NLRP5: variants seen among roughly 807,000 people sequenced by gnomAD.
NLRP5 encodes the protein NACHT, LRR and PYD domains-containing protein 5.
NLRP5 carries 93 observed loss-of-function variants against 113.1 expected under a neutral mutation model. The ratio of observed to expected loss-of-function variants is 0.82; its 90% confidence interval spans 0.70 to 0.98. The LOEUF (loss-of-function observed/expected upper bound fraction) is 0.98, where lower values mean the gene tolerates loss of function less well. Among genes scored for constraint, NLRP5 ranks in the 50% least tolerant of loss-of-function variants. NLRP5 has a pLI of 0.00. For synonymous variants in NLRP5, 751 were observed against 600.7 expected (o/e 1.25, Z -3.66); for missense variants, 1,808 against 1,514.3 (o/e 1.19, Z -3.22).
At chr19:56,021,455 AACCCCAT>A (rs1982614283) in intron 6 of NLRP5, among the ~76,000 whole-genome samples, 2 of 152,180 alleles carry the variant, frequency 1.3e-5, no homozygotes, top group South Asian at 4.1e-4. Flanking sequence ...CCCAAAAAGA[AACCCCAT>A]ACCCCTTTGC....
intron 2 of NLRP5, among the ~76,000 whole-genome samples, chr19:56,005,922 A>G (rs1051402027): frequency 6.6e-6 from 1 of 152,192 alleles, no homozygotes; most frequent in East Asian, 1.9e-4. Flanking sequence ...ATCTTACAAG[A>G]TACATAACTT....
chr19:56,046,314 T>C (rs1322887695), intron 11 of NLRP5, among the ~76,000 whole-genome samples: 1 of 152,172 alleles, frequency 6.6e-6, no homozygotes, highest in African/African-American at 2.4e-5. Flanking sequence ...TGGTGGATTA[T>C]CTGACATGTT....
rs185027314 is a variant in NLRP5 at position 56,044,868 on chromosome 19, G to A, written c.2957+3776G>A. On this transcript the variant is annotated intron_variant, in intron 11 of 14. Coordinates refer to ENST00000390649, the MANE Select transcript of NLRP5 (RefSeq NM_153447.4). The stretch of plus-strand genomic sequence containing the variant: ...GGATGTGTGTCCATTTGTTCGTGTC[G>A]TCTGTGATTTCTTTCAGCAATGTTT... Among the ~76,000 whole-genome samples the A allele has an allele frequency of 4.6e-4, 70 of 152,250 alleles. 1 individual carries two copies. The highest frequency in any genetic ancestry group is 1.2e-3 in the Admixed American group (18 of 15,278).
chr19:56,040,035 C>T (rs1370504427), intron 10 of NLRP5, among the ~76,000 whole-genome samples: 1 of 152,190 alleles, frequency 6.6e-6, no homozygotes, highest in Non-Finnish European at 1.5e-5. Flanking sequence ...ACTGCAGCCT[C>T]TACCTCCCAG....
At chr19:56,002,375 A>G (rs1025607846) in intron 1 of NLRP5, among the ~76,000 whole-genome samples, 17 of 152,240 alleles carry the variant, frequency 1.1e-4, no homozygotes, top group Admixed American at 4.6e-4. Flanking sequence ...ACCTGATGTT[A>G]ACAGGTGTAA....
chr19:55,987,908 C>T, the NLRP5 span: 6 of 1,610,812 alleles, frequency 3.7e-6, no homozygotes, highest in African/African-American at 2.7e-5. Context: ...CCAGATTAAT[C>T]CTTAGGCCGT....
chr19:56,027,901 C>G lies in NLRP5; in HGVS notation c.1668C>G (p.Leu556=). 6.2e-7 allele frequency: 1 copy of G among 1,613,766 alleles called. No homozygotes were observed. Among genetic ancestry groups the G allele is most frequent in the Non-Finnish European group, 8.5e-7 (1 of 1,179,798 alleles). ...GTGACGACCTCATGGTTCAAGGACT[C>G]GGGGAGTCTGAGCTCCGTGCTCTGT... Residue 556 remains leucine (L), a synonymous_variant, in exon 7 of 15, where the codon CTC becomes CTG. Coordinates refer to ENST00000390649, the MANE Select transcript of NLRP5 (RefSeq NM_153447.4).
chr19:55,998,702 ATGTG>A (rs144186734), upstream of NLRP5, among the ~76,000 whole-genome samples: 15,684 of 73,342 alleles, frequency 0.21, 2,232 homozygotes, highest in South Asian at 0.31. Flanking sequence ...ATATATATAT[ATGTG>A]TGTGTGTGTA....
chr19:56,027,707 G>A lies in NLRP5; in HGVS notation c.1474G>A (p.Ala492Thr), dbSNP rs752753307. The change falls in exon 7 of 15, where the codon GCC becomes ACC. Residue 492 changes from alanine (A) to threonine (T), a missense_variant. By Grantham distance (58) the Ala-to-Thr change is moderately conservative. Coordinates refer to ENST00000390649, the MANE Select transcript of NLRP5 (RefSeq NM_153447.4). ...GCAGGACGTGGTGGGGGAGAGCGTC[G>A]CCCCCTTCAACCAAACGCTCACAGG... 1.4e-5 allele frequency: 22 copies of A among 1,613,164 alleles called. No homozygotes were observed. Among genetic ancestry groups the A allele is most frequent in the Non-Finnish European group, 1.5e-5 (18 of 1,179,850 alleles).
At chr19:56,039,534 C>T (rs773455527) in intron 10 of NLRP5, among the ~76,000 whole-genome samples, 4 of 152,214 alleles carry the variant, frequency 2.6e-5, no homozygotes, top group South Asian at 2.1e-4. Flanking sequence ...GGGGAAGGGG[C>T]GTTCACTCCA....
chr19:55,992,289 C>A, the NLRP5 span, among the ~76,000 whole-genome samples: 1 of 152,150 alleles, frequency 6.6e-6, no homozygotes, highest in East Asian at 1.9e-4. Context: ...TTTAGGTTGA[C>A]TCCATGTCTT....
intron 1 of NLRP5, among the ~76,000 whole-genome samples, chr19:56,001,286 C>T (rs1981637009): frequency 6.8e-6 from 1 of 146,296 alleles, no homozygotes. Context: ...GACTGCACCA[C>T]TGCACTCCAG....
Position 56,050,399 on chromosome 19 carries a change from C to T in NLRP5, c.2958-19C>T, listed in dbSNP as rs1246656224. The T allele has an allele frequency of 1.2e-6, 2 of 1,610,694 alleles. No homozygotes were observed. The highest frequency in any genetic ancestry group is 1.7e-6 in the Non-Finnish European group (2 of 1,178,598). On this transcript the variant is annotated intron_variant, in intron 11 of 14. Coordinates refer to ENST00000390649, the MANE Select transcript of NLRP5 (RefSeq NM_153447.4). ...GGAATGAGCATCACGATCTTCTTTCCCATGTGTGTGCCCCACAGGCTGAAT... is the reference window on the plus strand; with the variant it reads ...GGAATGAGCATCACGATCTTCTTTCTCATGTGTGTGCCCCACAGGCTGAAT...
At chr19:55,999,910 C>A in intron 1 of NLRP5, 2 of 741,828 alleles carry the variant, frequency 2.7e-6, no homozygotes, top group Non-Finnish European at 4.8e-6. Context: ...TCCGTTGCAG[C>A]AGAACACTCC....
At chr19:56,003,682 T>G (rs1359044258) in intron 1 of NLRP5, 54 bp from the exon 2 acceptor site, 4 of 1,553,666 alleles carry the variant, frequency 2.6e-6, no homozygotes, top group Non-Finnish European at 3.5e-6. Flanking sequence ...TAGTTGTATC[T>G]ACTTGAGAAT....
Position 56,061,478 on chromosome 19 carries a change from G to A in NLRP5, c.3553G>A (p.Gly1185Ser), listed in dbSNP as rs114119582. The change falls in exon 15 of 15, where the codon GGT becomes AGT. Residue 1185 changes from glycine to serine, a missense_variant. Gly to Ser is a moderately conservative substitution (Grantham distance 56). Transcript: ENST00000390649. ...ACTCAAGCCCCGAGTCGTAATTGAC[G>A]GTAGTTGGCATTCTTTTGATGAAGA... 188 of 1,613,998 alleles carry A rather than the reference G, an allele frequency of 1.2e-4. No homozygotes were observed. The African/African-American group carries it at 2.2e-3, about 19-fold the overall frequency.
rs1160965587 is a variant in NLRP5 at position 56,055,537 on chromosome 19, C to CTTTTTTTTTTT, written c.3299+1745_3299+1755dup. Among the ~76,000 whole-genome samples, 153 of 76,444 alleles carry CTTTTTTTTTTT rather than the reference C, an allele frequency of 2.0e-3. 11 individuals are homozygous for CTTTTTTTTTTT. Among genetic ancestry groups the CTTTTTTTTTTT allele is most frequent in the Non-Finnish European group, 2.9e-3 (124 of 42,270 alleles). 50.2% of individuals were successfully genotyped at this position (76,444 alleles called of 152,430 possible). ...CCATGTTCTATTTTTCTTTCTCTGT[C>CTTTTTTTTTTT]TTTTTTTTTTTTTTTTTTTTTTTTT... On this transcript the variant is annotated intron_variant, in intron 13 of 14. Transcript: ENST00000390649.
At chr19:56,049,113 C>T (rs1983835957) in intron 11 of NLRP5, among the ~76,000 whole-genome samples, 1 of 149,910 alleles carries the variant, frequency 6.7e-6, no homozygotes, top group African/African-American at 2.4e-5. Flanking sequence ...TCCCAAGTAG[C>T]TGGGACTACA....
chr19:56,001,349 C>T, intron 1 of NLRP5, among the ~76,000 whole-genome samples: 1 of 149,392 alleles, frequency 6.7e-6, no homozygotes. Context: ...ACAAAAAACA[C>T]CACAGCTTAT....
Sources: gnomAD v4.1 joint callset for allele counts (sites outside exome capture counted in the v4.1 genomes callset) on GRCh38, gnomAD v4.1.1 for gene constraint, MANE v1.5 for transcripts, NCBI Gene and HGNC (gene_info 2026-07-23, HGNC 2026-07-21) for gene names.